The following E2F3 variants were observed in gnomAD, a reference collection of about 807,000 sequenced individuals.
The protein encoded by E2F3 is E2F transcription factor 3, also known as transcription factor E2F3.
In E2F3, 11 loss-of-function variants were observed where a neutral mutation model predicts 44.4. The ratio of observed to expected loss-of-function variants is 0.25; its 90% CI spans 0.16 to 0.41. The LOEUF is 0.41. Ranked by LOEUF, E2F3 falls within the 10% of genes least tolerant of loss-of-function variation. E2F3 has a pLI of 1.00. For missense variants in E2F3, 487 were observed against 583.6 expected (o/e 0.83, Z 1.70); for synonymous variants, 249 against 253.0 (o/e 0.98, Z 0.15).
At chr6:20,418,038 G>A (rs1581577044) in intron 1 of E2F3, among the ~76,000 whole-genome samples, 1 of 152,328 alleles carries the variant, frequency 6.6e-6, no homozygotes, top group South Asian at 2.1e-4. Context: ...TTGCTCTAGA[G>A]TGTAAGGATC....
Position 20,420,197 on chromosome 6 carries a change from T to C in E2F3, c.393+17572T>C, listed in dbSNP as rs150083763. ...TGTTTTTATGTGTCAGGGATAGTTTTAAGCACGTTATATGAAATCACTAAT... is the reference window on the plus strand; with the variant it reads ...TGTTTTTATGTGTCAGGGATAGTTTCAAGCACGTTATATGAAATCACTAAT... On this transcript the variant is annotated intron_variant, in intron 1 of 6. Transcript: ENST00000346618. Among the ~76,000 whole-genome samples the C allele has an allele frequency of 9.6e-3, 1,456 of 152,354 alleles. 27 individuals are homozygous for C. The highest frequency in any genetic ancestry group is 0.033 in the African/African-American group (1,370 of 41,570).
At chr6:20,413,909 C>G (rs1294049553) in intron 1 of E2F3, among the ~76,000 whole-genome samples, 1 of 152,114 alleles carries the variant, frequency 6.6e-6, no homozygotes, top group Non-Finnish European at 1.5e-5. Flanking sequence ...ACCTTTGACT[C>G]CCAAATATTT....
chr6:20,414,101 T>C (rs1465265475), intron 1 of E2F3, among the ~76,000 whole-genome samples: 2 of 152,176 alleles, frequency 1.3e-5, no homozygotes, highest in Non-Finnish European at 2.9e-5. Flanking sequence ...GAGGTTATAG[T>C]GGAAGTCTTG....
chr6:20,467,354 G>A (rs937162034), intron 1 of E2F3, among the ~76,000 whole-genome samples: 6 of 152,160 alleles, frequency 3.9e-5, no homozygotes, highest in African/African-American at 1.4e-4. Flanking sequence ...GACGTTTATA[G>A]GTGGAGTCAG....
intron 1 of E2F3, among the ~76,000 whole-genome samples, chr6:20,430,822 T>C (rs145320209): frequency 2.6e-5 from 4 of 152,290 alleles, no homozygotes; most frequent in African/African-American, 4.8e-5. Context: ...GTCAGGAGTT[T>C]GAGACCAGCC....
chr6:20,488,831 TA>T (rs1323212759), intron 6 of E2F3, among the ~76,000 whole-genome samples: 1 of 152,008 alleles, frequency 6.6e-6, no homozygotes, highest in African/African-American at 2.4e-5. Flanking sequence ...CTGTCTCTAC[TA>T]AAAATACAAA....
chr6:20,457,236 C>T (rs1052024925), intron 1 of E2F3, among the ~76,000 whole-genome samples: 5 of 151,650 alleles, frequency 3.3e-5, no homozygotes, highest in Admixed American at 3.3e-4. Flanking sequence ...GTACAGTGGT[C>T]CCATCTTGGC....
chr6:20,483,981 A>G (rs1762311751), intron 4 of E2F3, among the ~76,000 whole-genome samples: 1 of 152,220 alleles, frequency 6.6e-6, no homozygotes, highest in Admixed American at 6.5e-5. Flanking sequence ...GCCGATAATT[A>G]GTGAGATGGA....
chr6:20,484,020 T>C (rs1413001957), intron 4 of E2F3, among the ~76,000 whole-genome samples: 1 of 152,140 alleles, frequency 6.6e-6, no homozygotes, highest in Non-Finnish European at 1.5e-5. Flanking sequence ...GGACCCCCAG[T>C]GGTTGGCAGA....
intron 1 of E2F3, among the ~76,000 whole-genome samples, chr6:20,471,201 C>T (rs1042976864): frequency 2.6e-5 from 4 of 152,040 alleles, no homozygotes; most frequent in Admixed American, 1.3e-4. Context: ...TTACATATGT[C>T]GCTGTACATC....
chr6:20,437,320 G>A (rs1461181092), intron 1 of E2F3, among the ~76,000 whole-genome samples: 6 of 152,106 alleles, frequency 3.9e-5, no homozygotes, highest in Non-Finnish European at 7.3e-5. Flanking sequence ...TTCTTGATCC[G>A]GGGCAAGGCT....
chr6:20,402,376 C>CGCCGCT lies in E2F3; in HGVS notation c.150_155dup (p.Ala52_Ala53dup), dbSNP rs758546976. 6.5e-5 allele frequency: 105 copies of CGCCGCT among 1,609,458 alleles called. No homozygotes were observed. In the African/African-American group the frequency reaches 1.2e-3, roughly 19 times the overall value. On this transcript the variant is annotated inframe_insertion, in exon 1 of 7. Coordinates refer to ENST00000346618, the MANE Select transcript of E2F3 (RefSeq NM_001949.5). This position sits in a 1 kb window ranked among gnomAD's most constrained non-coding sequence, Gnocchi z 5.6. The stretch of plus-strand genomic sequence containing the variant: ...CCAGCCCCGGCTTCGCCGCCGCCGC[C>CGCCGCT]GCCGCTGCCGCCGCCCCGGGCGCGT...
At position 20,402,264 on chromosome 6, in the gene E2F3, A is replaced by G. The variant is rs1390070187; in HGVS notation, c.32A>G (p.Gln11Arg). The G allele has an allele frequency of 6.2e-7, 1 of 1,606,180 alleles. No homozygotes were observed. Among genetic ancestry groups the G allele is most frequent in the African/African-American group, 1.3e-5 (1 of 74,178 alleles). Residue 11 changes from glutamine to arginine, a missense_variant, in exon 1 of 7, where the codon CAG becomes CGG. Gln to Arg is a conservative substitution (Grantham distance 43). Coordinates refer to ENST00000346618, the MANE Select transcript of E2F3 (RefSeq NM_001949.5). The surrounding 1 kb of genome is among the most constrained non-coding windows in gnomAD (Gnocchi z 5.6). ...AAGGGAATCCAGCCCGCTCTGGAGC[A>G]GTACCTGGTGACCGCCGGGGGTGGG... MRKGIQPALE[Q>R]YLVTAGGGEG...
intron 1 of E2F3, among the ~76,000 whole-genome samples, chr6:20,409,930 G>A (rs1218708202): frequency 6.6e-6 from 1 of 152,192 alleles, no homozygotes. Flanking sequence ...CAACTGATGA[G>A]AGTAGTAATC....
rs1762170208 is a variant in E2F3 at position 20,480,015 on chromosome 6, A to T, written c.505+58A>T. 6.5e-6 allele frequency: 10 copies of T among 1,545,936 alleles called. No homozygotes were observed. The South Asian group carries it at 1.2e-4, about 19-fold the overall frequency. ...CTTGGTATGGCATTTCCAAGTTTCAAAGCTTATGGCCGGAAGGATGCCAAG... is the reference window on the plus strand; with the variant it reads ...CTTGGTATGGCATTTCCAAGTTTCATAGCTTATGGCCGGAAGGATGCCAAG... On this transcript the variant is annotated intron_variant, in intron 2 of 6. Coordinates refer to ENST00000346618, the MANE Select transcript of E2F3 (RefSeq NM_001949.5).
rs779215840 is a variant in E2F3, at chr6:20,490,064, G to A, written c.1136-104G>A. The A allele has an allele frequency of 5.6e-5, 70 of 1,256,412 alleles. No homozygotes were observed. Among genetic ancestry groups the A allele is most frequent in the Middle Eastern group, 2.2e-4 (1 of 4,514 alleles). The allele number at this position is 1,256,412 out of a possible 1,614,324, so 77.8% of individuals were successfully genotyped here. A position where few individuals can be genotyped will look rare whatever the true frequency, so the allele number is the denominator to read the frequency against. On this transcript the variant is annotated intron_variant, in intron 6 of 6. Coordinates refer to ENST00000346618, the MANE Select transcript of E2F3 (RefSeq NM_001949.5). The surrounding 1 kb of genome is among the most constrained non-coding windows in gnomAD (Gnocchi z 4.3). ...AAGTCGTCTCATTGTCATTATTTGC[G>A]GAAGGTACATGCTTTTTTCTAACAG...
chr6:20,450,511 G>A (rs1418485958), intron 1 of E2F3, among the ~76,000 whole-genome samples: 1 of 151,994 alleles, frequency 6.6e-6, no homozygotes, highest in African/African-American at 2.4e-5. Flanking sequence ...GTTTCTTACC[G>A]ATGCTGGATA....
intron 3 of E2F3, among the ~76,000 whole-genome samples, chr6:20,481,658 G>A (rs1762228590): frequency 6.6e-6 from 1 of 152,140 alleles, no homozygotes; most frequent in Non-Finnish European, 1.5e-5. Flanking sequence ...TATATTTGAT[G>A]AGCATCCAGC....
rs1762583466 is a variant in E2F3 at position 20,492,575 on chromosome 6, T to G, written c.*2145T>G. On this transcript the variant is annotated 3_prime_UTR_variant, in exon 7 of 7. Coordinates refer to ENST00000346618, the MANE Select transcript of E2F3 (RefSeq NM_001949.5). Reference sequence around the variant, plus strand: ...TGCCTCTGCTTCCAGCTTTGTGTAATTCTCTTTGCCAGCTGCACAAAGCTG... The same window carrying G: ...TGCCTCTGCTTCCAGCTTTGTGTAAGTCTCTTTGCCAGCTGCACAAAGCTG... 2 of 232,856 alleles carry G rather than the reference T, an allele frequency of 8.6e-6. No individual in the cohort carries two copies. The highest frequency in any genetic ancestry group is 1.2e-4 in the East Asian group (2 of 16,588). The allele number at this position is 232,856 out of a possible 1,614,324, so 14.4% of individuals were successfully genotyped here.
Sources: gnomAD v4.1 joint callset for allele counts (sites outside exome capture counted in the v4.1 genomes callset) on GRCh38, gnomAD v4.1.1 for gene constraint, Gnocchi (gnomAD v3.1) non-coding constraint, MANE v1.5 for transcripts, NCBI Gene and HGNC (gene_info 2026-07-23, HGNC 2026-07-21) for gene names.